The following SRGAP3 variants were observed in gnomAD, a reference collection of about 807,000 sequenced individuals.
SRGAP3 encodes SLIT-ROBO Rho GTPase activating protein 3.
Under a neutral mutation model 121.1 loss-of-function variants are expected in SRGAP3, and 39 were observed. The ratio of observed to expected loss-of-function variants is 0.32; its 90% CI spans 0.25 to 0.42. The LOEUF is 0.42. SRGAP3 is among the 10% of genes least tolerant of loss of function. The pLI is 1.00. For synonymous variants in SRGAP3, 601 were observed against 570.0 expected (o/e 1.05, Z -0.77); for missense variants, 1,213 against 1,470.6 (o/e 0.82, Z 2.86).
At chr3:8,993,218 C>T (rs1942174373) in intron 19 of SRGAP3, among the ~76,000 whole-genome samples, 163 bp from the exon 20 acceptor site, 1 of 152,208 alleles carries the variant, frequency 6.6e-6, no homozygotes, top group Non-Finnish European at 1.5e-5. Context: ...CTTCCCACCA[C>T]GCATGCCCAT....
At chr3:9,268,585 C>T (rs1574959048) in intron 3 of SRGAP3, among the ~76,000 whole-genome samples, 3 of 152,196 alleles carry the variant, frequency 2.0e-5, no homozygotes, top group South Asian at 4.2e-4. Context: ...CAGCACCAGG[C>T]ACCAGCCAAC....
intron 4 of SRGAP3, among the ~76,000 whole-genome samples, chr3:9,077,057 C>T (rs189854590): frequency 6.6e-6 from 1 of 152,208 alleles, no homozygotes; most frequent in African/African-American, 2.4e-5. Flanking sequence ...TGGTTTGCTG[C>T]ACCCATCAAC....
At chr3:9,361,896 A>C (rs2030871049) in intron 1 of SRGAP3, among the ~76,000 whole-genome samples, 1 of 152,150 alleles carries the variant, frequency 6.6e-6, no homozygotes, top group African/African-American at 2.4e-5. Context: ...AGCGGTAGAA[A>C]ACTCTACCCT....
chr3:9,177,036 A>AT (rs1469515101), intron 1 of SRGAP3, among the ~76,000 whole-genome samples: 3 of 152,064 alleles, frequency 2.0e-5, no homozygotes, highest in East Asian at 1.9e-4. Context: ...TGATTTTCCT[A>AT]TTTTTTCTAT....
intron 2 of SRGAP3, among the ~76,000 whole-genome samples, chr3:9,115,722 T>A (rs1948780873): frequency 6.6e-6 from 1 of 151,958 alleles, no homozygotes; most frequent in South Asian, 2.1e-4. Context: ...GGACTTAGAG[T>A]GATTTGATGC....
intron 3 of SRGAP3, among the ~76,000 whole-genome samples, chr3:9,318,881 GA>G (rs1052505827): frequency 2.0e-5 from 3 of 150,280 alleles, no homozygotes; most frequent in African/African-American, 7.3e-5. Context: ...CGCATCTCAA[GA>G]AAAAAAAGAA....
intron 5 of SRGAP3, among the ~76,000 whole-genome samples, chr3:9,060,747 T>C (rs1459016080): frequency 7.0e-6 from 1 of 141,878 alleles, no homozygotes; most frequent in African/African-American, 3.1e-5. Flanking sequence ...CCCAGTGGTT[T>C]TTTTTTTCTT....
At chr3:9,269,187 T>C (rs1055783439) in intron 3 of SRGAP3, among the ~76,000 whole-genome samples, 5 of 152,162 alleles carry the variant, frequency 3.3e-5, no homozygotes, top group Non-Finnish European at 5.9e-5. Flanking sequence ...CTGGGGATGA[T>C]TGTGGATAAA....
intron 3 of SRGAP3, among the ~76,000 whole-genome samples, chr3:9,316,615 G>T (rs921752057): frequency 2.0e-5 from 3 of 151,864 alleles, no homozygotes; most frequent in Non-Finnish European, 4.4e-5. Flanking sequence ...AGCTGAGATC[G>T]CACCACTGCA....
At chr3:9,264,323 C>A (rs1283945010) in intron 3 of SRGAP3, among the ~76,000 whole-genome samples, 2 of 152,176 alleles carry the variant, frequency 1.3e-5, no homozygotes, top group Admixed American at 6.5e-5. Context: ...GACAAGGATG[C>A]CCTCTCTCAC....
intron 11 of SRGAP3, among the ~76,000 whole-genome samples, chr3:9,033,200 G>A (rs1032713540): frequency 6.6e-6 from 1 of 152,196 alleles, no homozygotes; most frequent in Admixed American, 6.5e-5. Flanking sequence ...AACTCCCAAT[G>A]TACCAGGGCA....
rs201104166 is a variant in SRGAP3, at chr3:9,064,462, C to T, written c.606G>A (p.Leu202=). Residue 202 remains leucine (L), a synonymous_variant, in exon 5 of 22, where the codon CTG becomes CTA. Transcript: ENST00000383836. ...GCTGGGGCCGGTCCTCGTGCCGGAGCAGGTTCATGCTGAGGTCTCCTGACT... is the reference window on the plus strand; with the variant it reads ...GCTGGGGCCGGTCCTCGTGCCGGAGTAGGTTCATGCTGAGGTCTCCTGACT... ...FNKSGDLSMN[L]LRHEDRPQRR... The T allele has an allele frequency of 2.2e-4, 359 of 1,614,246 alleles. No homozygotes were observed. The Middle Eastern group carries it at 3.6e-3, about 16-fold the overall frequency.
At chr3:9,133,212 T>A (rs925897223) in intron 1 of SRGAP3, among the ~76,000 whole-genome samples, 2 of 152,154 alleles carry the variant, frequency 1.3e-5, no homozygotes, top group Admixed American at 1.3e-4. Flanking sequence ...CCGGGCACAG[T>A]GGCTCATGCC....
intron 1 of SRGAP3, among the ~76,000 whole-genome samples, chr3:9,187,298 G>A (rs919946656): frequency 1.3e-5 from 2 of 152,190 alleles, no homozygotes; most frequent in Non-Finnish European, 2.9e-5. Flanking sequence ...CCTCCAAGGT[G>A]AAAAGTTGCA....
At chr3:9,074,147 T>C (rs1227930401) in intron 4 of SRGAP3, among the ~76,000 whole-genome samples, 1 of 151,948 alleles carries the variant, frequency 6.6e-6, no homozygotes, top group Admixed American at 6.6e-5. Flanking sequence ...AAGGAGGAGG[T>C]GGCTGCACGT....
Position 9,218,497 on chromosome 3 carries a change from T to A in SRGAP3, c.67+30388A>T, listed in dbSNP as rs1436402513. On this transcript the variant is annotated intron_variant, in intron 1 of 21. Coordinates refer to ENST00000383836, the MANE Select transcript of SRGAP3 (RefSeq NM_014850.4). The surrounding 1 kb of genome is among the most constrained non-coding windows in gnomAD (Gnocchi z 5.3). ...TGCTGACCCTGACACAGCCTCAGAA[T>A]ACTTCTCAACACAGACCGCCAGCTG... is the stretch of plus-strand genomic sequence containing the variant. The A allele has an allele frequency of 2.6e-5, 4 of 152,246 alleles. No homozygotes were observed. Among genetic ancestry groups the A allele is most frequent in the Non-Finnish European group, 5.9e-5 (4 of 68,068 alleles). 9.4% of individuals were successfully genotyped at this position (152,246 alleles called of 1,614,324 possible).
intron 3 of SRGAP3, among the ~76,000 whole-genome samples, chr3:9,080,529 C>G (rs908325592): frequency 3.3e-5 from 5 of 152,196 alleles, no homozygotes; most frequent in Non-Finnish European, 7.3e-5. Context: ...CATCCCAATT[C>G]CTCTTGAGAG....
At chr3:9,187,313 G>C (rs1951626252) in intron 1 of SRGAP3, among the ~76,000 whole-genome samples, 1 of 152,158 alleles carries the variant, frequency 6.6e-6, no homozygotes, top group Non-Finnish European at 1.5e-5. Context: ...GTTGCAGAGA[G>C]GGGGTACAGT....
At chr3:9,123,628 C>T (rs1271294956) in intron 2 of SRGAP3, among the ~76,000 whole-genome samples, 1 of 151,480 alleles carries the variant, frequency 6.6e-6, no homozygotes, top group African/African-American at 2.4e-5. Context: ...TCTCTTGAAC[C>T]CGGGAGTTGG....
Sources: allele counts gnomAD v4.1 joint callset (sites outside exome capture counted in the v4.1 genomes callset), GRCh38; gene constraint gnomAD v4.1.1; non-coding constraint Gnocchi (gnomAD v3.1); transcripts MANE v1.5; gene names NCBI Gene and HGNC (gene_info 2026-07-23, HGNC 2026-07-21).